EIF3A: variants seen among roughly 807,000 people sequenced by gnomAD.
EIF3A encodes the protein eukaryotic translation initiation factor 3 subunit A.
In EIF3A, 21 loss-of-function variants were observed where a neutral mutation model predicts 186.6. The observed-to-expected ratio is 0.11, with a 90% CI of 0.08 to 0.16. The LOEUF is 0.16. Ranked by LOEUF, EIF3A falls within the 10% of genes least tolerant of loss-of-function variation. The pLI, the probability that EIF3A is intolerant of heterozygous loss-of-function variation, is 1.00. For synonymous variants in EIF3A, 563 were observed against 584.3 expected, an observed-to-expected ratio of 0.96 and a Z score of 0.52; for missense variants, 1,306 against 1,796.3, an observed-to-expected ratio of 0.73 and a Z score of 4.93.
chr10:119,072,042 A>AAAC (rs1014827804), intron 4 of EIF3A, among the ~76,000 whole-genome samples: 1 of 132,166 alleles, frequency 7.6e-6, no homozygotes, highest in Non-Finnish European at 1.6e-5. Flanking sequence ...AAAAAAAAAA[A>AAAC]AAAAGAAAGA....
At chr10:119,046,474 G>A (rs558136276) in intron 17 of EIF3A, among the ~76,000 whole-genome samples, 86 of 152,308 alleles carry the variant, frequency 5.6e-4, no homozygotes, top group African/African-American at 2.0e-3. Flanking sequence ...TCGCTAATAT[G>A]GATGGAAAAC....
intron 9 of EIF3A, 164 bp from the exon 10 acceptor site, chr10:119,059,882 T>A: frequency 3.0e-6 from 2 of 660,868 alleles, no homozygotes; most frequent in Non-Finnish European, 5.4e-6. Context: ...GACTCTAAAC[T>A]CCATGCTTTG....
chr10:119,056,708 C>A (rs1228919719), intron 14 of EIF3A, 32 bp downstream of exon 14: 2 of 1,364,002 alleles, frequency 1.5e-6, no homozygotes, highest in African/African-American at 2.9e-5. Flanking sequence ...TTATTACAAT[C>A]TAAAAATATT....
At chr10:119,064,141 G>A (rs1005948507) in intron 7 of EIF3A, among the ~76,000 whole-genome samples, 2 of 152,162 alleles carry the variant, frequency 1.3e-5, no homozygotes, top group African/African-American at 4.8e-5. Context: ...TATCTGCTGG[G>A]TAAAACCTAG....
intron 17 of EIF3A, 97 bp from the exon 18 acceptor site, chr10:119,044,239 A>G (rs921857749): frequency 2.5e-6 from 2 of 795,196 alleles, no homozygotes; most frequent in African/African-American, 3.5e-5. Flanking sequence ...ACTTATAACA[A>G]TATGAAGCCC....
At chr10:119,073,149 A>C in intron 3 of EIF3A, 96 bp from the exon 4 acceptor site, 1 of 1,220,048 alleles carries the variant, frequency 8.2e-7, no homozygotes, top group Non-Finnish European at 1.1e-6. Context: ...AACAGTGCAA[A>C]TTCTTCCCAC....
At chr10:119,039,202 A>T (rs1368329467) in intron 19 of EIF3A, among the ~76,000 whole-genome samples, 1 of 152,140 alleles carries the variant, frequency 6.6e-6, no homozygotes, top group Non-Finnish European at 1.5e-5. Context: ...GTCCTCCACC[A>T]TTTGCCACCC....
intron 9 of EIF3A, 106 bp from the exon 10 acceptor site, chr10:119,059,824 T>C: frequency 1.3e-6 from 1 of 793,368 alleles, no homozygotes; most frequent in East Asian, 2.4e-5. Flanking sequence ...CCAGAGAATT[T>C]ATGTTAGCAG....
chr10:119,076,664 A>G (rs2133424582), intron 1 of EIF3A, among the ~76,000 whole-genome samples: 1 of 152,086 alleles, frequency 6.6e-6, no homozygotes, highest in East Asian at 1.9e-4. Flanking sequence ...CAGTACAGCC[A>G]GGCGCCTTGG....
In EIF3A at chr10:119,058,249, G is replaced by T; in HGVS notation, c.1684C>A (p.Arg562=). ...GCCAGGATCCGCTGGTGCTCTTTTC[G>T]TGAATTTTTAAGGTATGCAGTGACA... ...LAVTAYLKNS[R]KEHQRILARR... Residue 562 remains arginine, a synonymous_variant, in exon 12 of 22, where the codon CGA becomes AGA. Transcript: ENST00000369144. 6.2e-7 allele frequency: 1 copy of T among 1,611,020 alleles called. No homozygotes were observed. The highest frequency in any genetic ancestry group is 8.5e-7 in the Non-Finnish European group (1 of 1,178,744).
chr10:119,079,729 C>T (rs1433314047), intron 1 of EIF3A, among the ~76,000 whole-genome samples: 2 of 152,008 alleles, frequency 1.3e-5, no homozygotes, highest in Non-Finnish European at 2.9e-5. Flanking sequence ...CTGAAGTACA[C>T]ATATAGAAAT....
intron 8 of EIF3A, 153 bp downstream of exon 8, chr10:119,061,071 T>C: frequency 1.8e-6 from 1 of 569,584 alleles, no homozygotes; most frequent in Non-Finnish European, 3.1e-6. Flanking sequence ...CAGATATATC[T>C]TTTCTCTTGA....
chr10:119,076,626 G>A (rs1048952914), intron 1 of EIF3A, among the ~76,000 whole-genome samples: 1 of 152,104 alleles, frequency 6.6e-6, no homozygotes, highest in Non-Finnish European at 1.5e-5. Flanking sequence ...CCTATATAGT[G>A]CATGTAAGGT....
In EIF3A at chr10:119,038,495, T is replaced by C. The variant is rs1848166294; in HGVS notation, c.3527-56A>G. On this transcript the variant is annotated intron_variant, in intron 19 of 21. Transcript: ENST00000369144. ...AAATATTTTTAAAAGAAGAAACAGA[T>C]TGGCAATCATGAATAGACGTTGGCA... The C allele has an allele frequency of 6.3e-6, 9 of 1,425,864 alleles. No individual in the cohort carries two copies. In the Middle Eastern group the frequency reaches 5.4e-4, roughly 86 times the overall value. The allele number at this position is 1,425,864 out of a possible 1,614,324, so 88.3% of individuals were successfully genotyped here. A position where few individuals can be genotyped will look rare whatever the true frequency, so the allele number is the denominator to read the frequency against.
Position 119,033,872 on chromosome 10 carries a change from TAA to T in EIF3A, c.*2165_*2166del, listed in dbSNP as rs3061097. ...TCAATCTATGGTCAGTGTCTTTGGT[TAA>T]AAAAAAAAAAAAACACAGGCAGTTC... On this transcript the variant is annotated 3_prime_UTR_variant, in exon 22 of 22. Coordinates refer to ENST00000369144, the MANE Select transcript of EIF3A (RefSeq NM_003750.4). The T allele has an allele frequency of 4.1e-3, 663 of 160,564 alleles. 1 individual carries two copies. Among genetic ancestry groups the T allele is most frequent in the East Asian group, 5.7e-3 (29 of 5,092 alleles). 9.9% of individuals were successfully genotyped at this position (160,564 alleles called of 1,614,324 possible).
Position 119,065,549 on chromosome 10 carries a change from T to A in EIF3A, c.972A>T (p.Leu324Phe). Reference protein sequence around the residue: ...EMQRMSTRVLLATLSIPITPE... With the variant: ...EMQRMSTRVLFATLSIPITPE... The stretch of plus-strand genomic sequence containing the variant: ...GAGTAATAGGGATGGAAAGAGTGGC[T>A]AAAAGGACTCTAGTAGACATTCTAT... The change falls in exon 7 of 22, where the codon TTA (leucine) becomes TTT (phenylalanine). Residue 324 changes from leucine to phenylalanine, a missense_variant. Leu to Phe is a conservative substitution (Grantham distance 22, BLOSUM62 0). Coordinates refer to ENST00000369144, the MANE Select transcript of EIF3A (RefSeq NM_003750.4). 1 of 1,611,722 alleles carries A rather than the reference T, an allele frequency of 6.2e-7. No homozygotes were observed. Among genetic ancestry groups the A allele is most frequent in the Non-Finnish European group, 8.5e-7 (1 of 1,178,144 alleles).
chr10:119,045,615 G>GC (rs944850158), intron 17 of EIF3A, among the ~76,000 whole-genome samples: 31 of 152,142 alleles, frequency 2.0e-4, no homozygotes, highest in Non-Finnish European at 2.6e-4. Flanking sequence ...TTGAAGGATG[G>GC]CTCTTATAGC....
intron 18 of EIF3A, among the ~76,000 whole-genome samples, chr10:119,043,552 C>G (rs1301961132): frequency 6.6e-6 from 1 of 152,076 alleles, no homozygotes; most frequent in Non-Finnish European, 1.5e-5. Context: ...GAGGTTGAGG[C>G]TGTAGTGAGC....
At chr10:119,040,668 C>T (rs1848195396) in intron 19 of EIF3A, among the ~76,000 whole-genome samples, 1 of 151,760 alleles carries the variant, frequency 6.6e-6, no homozygotes, top group South Asian at 2.1e-4. Context: ...GTCAGGAGTT[C>T]GAGAGCAGCC....
Sources: allele counts gnomAD v4.1 joint callset (sites outside exome capture counted in the v4.1 genomes callset), GRCh38; gene constraint gnomAD v4.1.1; transcripts MANE v1.5; gene names NCBI Gene and HGNC (gene_info 2026-07-23, HGNC 2026-07-21).